CNTNAP5: variants seen among roughly 807,000 people sequenced by gnomAD.
CNTNAP5 encodes the protein contactin associated protein family member 5, also known as contactin-associated protein-like 5.
In CNTNAP5, 72 loss-of-function variants were observed where a neutral mutation model predicts 150.2. That is an observed-to-expected ratio of 0.48 (90% CI 0.40 to 0.58). CNTNAP5 has a LOEUF of 0.58. CNTNAP5 is among the 20% of genes least tolerant of loss of function. The probability of loss-of-function intolerance (pLI) is 0.00; values close to 1 mark genes in which losing one functional copy is unlikely to be tolerated. For synonymous variants in CNTNAP5, 672 were observed against 619.8 expected, an observed-to-expected ratio of 1.08 and a Z score of -1.25; for missense variants, 1,636 against 1,626.2, an observed-to-expected ratio of 1.01 and a Z score of -0.10.
At chr2:124,427,760 C>T (rs2104788284) in intron 4 of CNTNAP5, among the ~76,000 whole-genome samples, 1 of 152,088 alleles carries the variant, frequency 6.6e-6, no homozygotes, top group East Asian at 1.9e-4. Flanking sequence ...CCCGGCCAAA[C>T]CCATATTATT....
chr2:124,410,604 C>T (rs1177554103), intron 3 of CNTNAP5, among the ~76,000 whole-genome samples: 10 of 148,186 alleles, frequency 6.7e-5, no homozygotes, highest in Non-Finnish European at 1.4e-4. Flanking sequence ...TACATGGAAA[C>T]TGAACAACCT....
At chr2:124,910,320 A>C (rs1307574562) in intron 22 of CNTNAP5, among the ~76,000 whole-genome samples, 1 of 152,108 alleles carries the variant, frequency 6.6e-6, no homozygotes, top group Non-Finnish European at 1.5e-5. Flanking sequence ...GTATGTAATT[A>C]ATAGTAAGCA....
intron 10 of CNTNAP5, among the ~76,000 whole-genome samples, chr2:124,562,317 A>G (rs1695911298): frequency 1.3e-5 from 2 of 150,342 alleles, no homozygotes; most frequent in South Asian, 2.1e-4. Flanking sequence ...GTCCTGTTAT[A>G]ATCATGTTTG....
intron 13 of CNTNAP5, among the ~76,000 whole-genome samples, chr2:124,671,887 G>A (rs566968570): frequency 5.3e-5 from 8 of 152,116 alleles, no homozygotes; most frequent in Admixed American, 3.9e-4. Flanking sequence ...TGATCCTCCC[G>A]CTTTGGCCTC....
intron 8 of CNTNAP5, among the ~76,000 whole-genome samples, chr2:124,511,727 C>G (rs758474829): frequency 7.9e-5 from 12 of 152,310 alleles, no homozygotes; most frequent in Non-Finnish European, 1.8e-4. Flanking sequence ...TTGGGAGTAC[C>G]CAGGGCCAAG....
At chr2:124,723,157 CT>C (rs1428947734) in intron 13 of CNTNAP5, among the ~76,000 whole-genome samples, 3 of 152,148 alleles carry the variant, frequency 2.0e-5, no homozygotes, top group Non-Finnish European at 4.4e-5. Flanking sequence ...TTTAATGTAT[CT>C]CTTCCAATGA....
chr2:124,359,187 TTCTC>T lies in CNTNAP5; in HGVS notation c.382-58252_382-58249del, dbSNP rs1305479605. On this transcript the variant is annotated intron_variant, in intron 3 of 23. Coordinates refer to ENST00000682447, the MANE Select transcript of CNTNAP5 (RefSeq NM_001367498.1). ...ATTTTTTATTGTGTCTATTTGATCCTTCTCTCTTTTTTTCTTTATTAGTCTTGCT... is the reference window on the plus strand; with the variant it reads ...ATTTTTTATTGTGTCTATTTGATCCTTCTTTTTTTCTTTATTAGTCTTGCT... 5.3e-5 allele frequency among the ~76,000 whole-genome samples: 8 copies of T among 152,256 alleles called. No homozygotes were observed. In the East Asian group the frequency reaches 9.7e-4, roughly 18 times the overall value.
intron 3 of CNTNAP5, among the ~76,000 whole-genome samples, chr2:124,401,999 C>T (rs528799390): frequency 1.3e-5 from 2 of 152,242 alleles, no homozygotes; most frequent in East Asian, 1.9e-4. Context: ...TATATCCCCT[C>T]ACTAAGAATA....
In CNTNAP5 at chr2:124,641,993, T is replaced by C. The variant is rs145714171; in HGVS notation, c.1877-5765T>C. Reference sequence around the variant, plus strand: ...CAGCGTCTGTAATTACTATTATTAATAATAATGATCATCATAATCAGACCA... The same window carrying C: ...CAGCGTCTGTAATTACTATTATTAACAATAATGATCATCATAATCAGACCA... On this transcript the variant is annotated intron_variant, in intron 12 of 23. Coordinates refer to ENST00000682447, the MANE Select transcript of CNTNAP5 (RefSeq NM_001367498.1). Among the ~76,000 whole-genome samples the C allele has an allele frequency of 8.5e-5, 13 of 152,286 alleles. No homozygotes were observed. In the East Asian group the frequency reaches 2.5e-3, roughly 29 times the overall value.
In CNTNAP5 at chr2:124,509,975, G is replaced by A. The variant is rs147357924; in HGVS notation, c.1327+5419G>A. ...TAAATAATACAGGAGGCTGAGGCGG[G>A]TGGATTGCTTGAGGTCAGGAGTTCA... On this transcript the variant is annotated intron_variant, in intron 8 of 23. Coordinates refer to ENST00000682447, the MANE Select transcript of CNTNAP5 (RefSeq NM_001367498.1). Among the ~76,000 whole-genome samples the A allele has an allele frequency of 2.3e-3, 353 of 152,148 alleles. 2 individuals carry two copies. The highest frequency in any genetic ancestry group is 8.0e-3 in the African/African-American group (333 of 41,500).
intron 1 of CNTNAP5, among the ~76,000 whole-genome samples, chr2:124,062,268 A>C (rs974121304): frequency 2.0e-5 from 3 of 152,100 alleles, no homozygotes; most frequent in Admixed American, 1.3e-4. Context: ...CATCCTTTCC[A>C]TATATTCCTT....
chr2:124,137,302 G>GTC (rs1553440926), intron 1 of CNTNAP5, among the ~76,000 whole-genome samples: 2 of 150,686 alleles, frequency 1.3e-5, no homozygotes, highest in African/African-American at 4.9e-5. Flanking sequence ...TTCCTCTGTA[G>GTC]TTTTTTTTTC....
At chr2:124,407,938 A>G (rs1691619204) in intron 3 of CNTNAP5, among the ~76,000 whole-genome samples, 1 of 152,214 alleles carries the variant, frequency 6.6e-6, no homozygotes, top group Non-Finnish European at 1.5e-5. Flanking sequence ...GCGACGCAGA[A>G]GATGGGTGAT....
At chr2:124,480,262 T>C (rs139774231) in intron 7 of CNTNAP5, among the ~76,000 whole-genome samples, 2 of 152,342 alleles carry the variant, frequency 1.3e-5, no homozygotes, top group African/African-American at 4.8e-5. Flanking sequence ...GATCAAATGG[T>C]AGACTCCTTT....
chr2:124,834,878 C>A (rs1474430943), intron 19 of CNTNAP5, among the ~76,000 whole-genome samples: 2 of 151,660 alleles, frequency 1.3e-5, no homozygotes, highest in Non-Finnish European at 2.9e-5. Flanking sequence ...TTAACCCCAT[C>A]ACTAAGATAG....
intron 12 of CNTNAP5, among the ~76,000 whole-genome samples, chr2:124,620,728 T>TAC (rs1320966509): frequency 1.5e-4 from 21 of 136,990 alleles, no homozygotes; most frequent in South Asian, 1.4e-3. Context: ...ATATATATGC[T>TAC]ACACACACAC....
At chr2:124,882,388 G>C (rs986758723) in intron 21 of CNTNAP5, among the ~76,000 whole-genome samples, 1 of 152,124 alleles carries the variant, frequency 6.6e-6, no homozygotes, top group Non-Finnish European at 1.5e-5. Context: ...TCAGTGCCCT[G>C]GGTGGAAACC....
At position 124,127,539 on chromosome 2, in the gene CNTNAP5, C is replaced by T. The variant is rs181533391; in HGVS notation, c.83-94166C>T. Among the ~76,000 whole-genome samples the T allele has an allele frequency of 1.4e-3, 210 of 152,204 alleles. 1 individual carries two copies. Among genetic ancestry groups the T allele is most frequent in the Non-Finnish European group, 2.2e-3 (148 of 68,000 alleles). On this transcript the variant is annotated intron_variant, in intron 1 of 23. Transcript: ENST00000682447. The stretch of plus-strand genomic sequence containing the variant: ...CCATCAAGCTACTAATGAATTTCTT[C>T]ACAGAATTGGAAAAAACTACTTTAA...
intron 14 of CNTNAP5, among the ~76,000 whole-genome samples, chr2:124,754,441 C>A (rs1047677920): frequency 1.3e-5 from 2 of 152,224 alleles, no homozygotes; most frequent in Middle Eastern, 3.4e-3. Context: ...ACACATCTTG[C>A]AAACTAATCA....
Sources: allele counts gnomAD v4.1 joint callset (sites outside exome capture counted in the v4.1 genomes callset), GRCh38; gene constraint gnomAD v4.1.1; transcripts MANE v1.5; gene names NCBI Gene and HGNC (gene_info 2026-07-23, HGNC 2026-07-21).